IKZF1: variants seen among roughly 807,000 people sequenced by gnomAD.
IKZF1 encodes the protein IKAROS family zinc finger 1.
IKZF1 carries 10 observed loss-of-function variants against 51.7 expected under a neutral mutation model. The ratio of observed to expected loss-of-function variants is 0.19; its 90% CI spans 0.12 to 0.33. The LOEUF is 0.33. Among genes scored for constraint, IKZF1 ranks in the 10% least tolerant of loss-of-function variants. The pLI is 1.00. For synonymous variants in IKZF1, 280 were observed against 282.3 expected (o/e 0.99, Z 0.08); for missense variants, 484 against 707.5 (o/e 0.68, Z 3.58).
At chr7:50,396,467 A>G (rs1485113462) in intron 7 of IKZF1, among the ~76,000 whole-genome samples, 1 of 152,142 alleles carries the variant, frequency 6.6e-6, no homozygotes, top group Non-Finnish European at 1.5e-5. Flanking sequence ...ATACTTTTAA[A>G]ATTGATTCCA....
At chr7:50,322,206 T>C (rs1469178606) in intron 2 of IKZF1, among the ~76,000 whole-genome samples, 3 of 152,218 alleles carry the variant, frequency 2.0e-5, no homozygotes, top group African/African-American at 7.2e-5. Context: ...GATGTACATT[T>C]AACCAAATAG....
At chr7:50,319,961 C>T (rs1212748389) in intron 2 of IKZF1, among the ~76,000 whole-genome samples, 1 of 152,152 alleles carries the variant, frequency 6.6e-6, no homozygotes, top group Non-Finnish European at 1.5e-5. Context: ...TGCTCCCCTG[C>T]TTGGTGGTTT....
At chr7:50,379,101 T>G (rs934615580) in intron 4 of IKZF1, among the ~76,000 whole-genome samples, 1 of 152,220 alleles carries the variant, frequency 6.6e-6, no homozygotes, top group Admixed American at 6.5e-5. Context: ...AACATACAAC[T>G]CTGCTTCAGA....
At chr7:50,366,192 C>A (rs1008312947) in intron 3 of IKZF1, among the ~76,000 whole-genome samples, 1 of 152,132 alleles carries the variant, frequency 6.6e-6, no homozygotes, top group South Asian at 2.1e-4. Flanking sequence ...ATCTGTATAA[C>A]AAACCCCCAT....
At chr7:50,359,256 G>A (rs890157912) in intron 3 of IKZF1, among the ~76,000 whole-genome samples, 2 of 152,166 alleles carry the variant, frequency 1.3e-5, no homozygotes, top group African/African-American at 2.4e-5. Flanking sequence ...GCAAGATCCT[G>A]TCTCAAAAAA....
At chr7:50,312,722 C>T (rs575278906) in intron 1 of IKZF1, among the ~76,000 whole-genome samples, 1 of 152,274 alleles carries the variant, frequency 6.6e-6, no homozygotes, top group South Asian at 2.1e-4. Flanking sequence ...TTTTGCATAT[C>T]AGTTCCTGGC....
At chr7:50,335,230 G>A (rs1797380430) in intron 3 of IKZF1, among the ~76,000 whole-genome samples, 1 of 150,906 alleles carries the variant, frequency 6.6e-6, no homozygotes, top group Non-Finnish European at 1.5e-5. Flanking sequence ...GTGTGTATGT[G>A]TGTGAGATGT....
At chr7:50,392,389 A>T (rs1158974611) in intron 7 of IKZF1, among the ~76,000 whole-genome samples, 1 of 148,806 alleles carries the variant, frequency 6.7e-6, no homozygotes, top group Non-Finnish European at 1.5e-5. Flanking sequence ...CTGCGGGATT[A>T]AAAAAAAAGA....
At chr7:50,307,480 T>C (rs1021152526) in intron 1 of IKZF1, among the ~76,000 whole-genome samples, 23 of 152,308 alleles carry the variant, frequency 1.5e-4, no homozygotes, top group African/African-American at 5.3e-4. Flanking sequence ...GACGCCTGCT[T>C]CTAGCGGCAG....
chr7:50,405,097 T>C lies in IKZF1; in HGVS notation c.*4470T>C, dbSNP rs1818800709. ...TGTCTTGGAGGTTATGACTCCTTGG[T>C]GAAACCTTCTCACATTCTCATTGGA... On this transcript the variant is annotated 3_prime_UTR_variant, in exon 8 of 8. Coordinates refer to ENST00000331340, the MANE Select transcript of IKZF1 (RefSeq NM_006060.6). The C allele has an allele frequency of 5.4e-6, 1 of 185,336 alleles. No homozygotes were observed. The highest frequency in any genetic ancestry group is 6.2e-5 in the Admixed American group (1 of 16,092). The allele number at this position is 185,336 out of a possible 1,614,324, so 11.5% of individuals were successfully genotyped here.
chr7:50,363,525 C>T (rs1453402001), intron 3 of IKZF1, among the ~76,000 whole-genome samples: 2 of 152,158 alleles, frequency 1.3e-5, no homozygotes, highest in Admixed American at 1.3e-4. Context: ...ACTTACACCA[C>T]CCAGCACTCC....
intron 3 of IKZF1, among the ~76,000 whole-genome samples, chr7:50,346,352 G>T (rs866832130): frequency 2.6e-5 from 4 of 152,260 alleles, no homozygotes; most frequent in Non-Finnish European, 4.4e-5. Flanking sequence ...TGTTACAAAA[G>T]CCCTGAACTA....
chr7:50,342,623 C>T (rs1042200480), intron 3 of IKZF1, among the ~76,000 whole-genome samples: 3 of 150,304 alleles, frequency 2.0e-5, no homozygotes, highest in East Asian at 1.9e-4. Context: ...ATAAAGCAAC[C>T]GAGGAGAGGT....
intron 3 of IKZF1, among the ~76,000 whole-genome samples, chr7:50,356,557 C>T (rs759536131): frequency 4.6e-5 from 7 of 152,090 alleles, no homozygotes; most frequent in Non-Finnish European, 1.0e-4. Context: ...GTGTGCACGG[C>T]TGTGTGTCTG....
At chr7:50,388,531 C>A (rs547761330) in intron 6 of IKZF1, 1 of 152,366 alleles carries the variant, frequency 6.6e-6, no homozygotes, top group East Asian at 1.9e-4. Flanking sequence ...GCCAGTCAGC[C>A]AGGGATCTGG....
intron 1 of IKZF1, chr7:50,308,544 G>A (rs767992532): frequency 6.6e-6 from 1 of 152,198 alleles, no homozygotes; most frequent in Non-Finnish European, 1.5e-5. Flanking sequence ...GACTAAAAGA[G>A]CACCCTTTTC....
At chr7:50,390,205 G>T (rs1056869951) in intron 6 of IKZF1, among the ~76,000 whole-genome samples, 14 of 152,282 alleles carry the variant, frequency 9.2e-5, no homozygotes, top group Middle Eastern at 3.4e-3. Flanking sequence ...CTGGGGGGTG[G>T]AGGCTTTTGG....
intron 4 of IKZF1, among the ~76,000 whole-genome samples, chr7:50,379,494 C>T (rs1181735974): frequency 6.6e-6 from 1 of 152,154 alleles, no homozygotes; most frequent in East Asian, 1.9e-4. Context: ...ATTTCTGACT[C>T]GGGTGTAATA....
chr7:50,399,273 CTCTCA>C (rs1245548023), intron 7 of IKZF1, among the ~76,000 whole-genome samples: 1 of 152,134 alleles, frequency 6.6e-6, no homozygotes, highest in African/African-American at 2.4e-5. Context: ...ATCCCTTCCA[CTCTCA>C]TCTCAAGACA....
Sources: allele counts gnomAD v4.1 joint callset (sites outside exome capture counted in the v4.1 genomes callset), GRCh38; gene constraint gnomAD v4.1.1; transcripts MANE v1.5; gene names NCBI Gene and HGNC (gene_info 2026-07-23, HGNC 2026-07-21).